Variants in CNTLN observed in about 807,000 individuals in gnomAD.
The protein encoded by CNTLN is centlein, centrosomal protein.
Under a neutral mutation model 180.0 loss-of-function variants are expected in CNTLN, and 212 were observed. The ratio of observed to expected loss-of-function variants is 1.18; its 90% confidence interval spans 1.05 to 1.32. The LOEUF (loss-of-function observed/expected upper bound fraction) is 1.32, where lower values mean the gene tolerates loss of function less well. Ranked by LOEUF, CNTLN falls within the 40% of genes most tolerant of loss-of-function variation. The probability of loss-of-function intolerance (pLI) is 0.00; values close to 1 mark genes in which losing one functional copy is unlikely to be tolerated. For synonymous variants in CNTLN, 722 were observed against 563.1 expected (o/e 1.28, Z -3.99); for missense variants, 2,095 against 1,610.9 (o/e 1.30, Z -5.14).
chr9:17,325,368 ATGTG>A (rs1456408000), intron 8 of CNTLN, among the ~76,000 whole-genome samples: 5 of 67,526 alleles, frequency 7.4e-5, no homozygotes, highest in Non-Finnish European at 1.4e-4. Context: ...GTGTGTGTGC[ATGTG>A]TATGTATGTG....
At chr9:17,259,877 T>C (rs1370583839) in intron 5 of CNTLN, among the ~76,000 whole-genome samples, 1 of 136,732 alleles carries the variant, frequency 7.3e-6, no homozygotes, top group Non-Finnish European at 1.5e-5. Context: ...TTTTTCTTTA[T>C]TATTCTTGCT....
At chr9:17,455,486 T>C (rs1831056652) in intron 18 of CNTLN, among the ~76,000 whole-genome samples, 1 of 152,152 alleles carries the variant, frequency 6.6e-6, no homozygotes, top group Non-Finnish European at 1.5e-5. Context: ...CTTTCCTCAG[T>C]GGAGGTACAT....
intron 15 of CNTLN, among the ~76,000 whole-genome samples, chr9:17,397,390 C>G (rs945674754): frequency 6.6e-6 from 1 of 152,186 alleles, no homozygotes. Flanking sequence ...ATAGGCTAAA[C>G]AAGGAGTGGA....
chr9:17,263,038 T>A (rs1827124668), intron 5 of CNTLN, among the ~76,000 whole-genome samples: 1 of 151,456 alleles, frequency 6.6e-6, no homozygotes, highest in Non-Finnish European at 1.5e-5. Flanking sequence ...TTTATCAATT[T>A]TTTTAATTTT....
At chr9:17,413,888 T>C (rs1016677651) in intron 16 of CNTLN, among the ~76,000 whole-genome samples, 2 of 152,136 alleles carry the variant, frequency 1.3e-5, no homozygotes, top group African/African-American at 4.8e-5. Context: ...AAATATATGT[T>C]TACCAAAAAA....
At chr9:17,343,710 G>A (rs10963047) in intron 12 of CNTLN, among the ~76,000 whole-genome samples, 43,646 of 151,808 alleles carry the variant, frequency 0.29, 6,642 homozygotes, top group South Asian at 0.51. Context: ...CTTATATAAC[G>A]TATATAATTC....
chr9:17,222,656 AGTCTCGG>A (rs1191049924), intron 2 of CNTLN, among the ~76,000 whole-genome samples: 1 of 151,918 alleles, frequency 6.6e-6, no homozygotes, highest in Non-Finnish European at 1.5e-5. Context: ...TTTTCTTCCC[AGTCTCGG>A]GTATGTCTTT....
intron 20 of CNTLN, among the ~76,000 whole-genome samples, chr9:17,463,837 G>A (rs563405517): frequency 2.6e-5 from 4 of 151,554 alleles, no homozygotes; most frequent in East Asian, 1.9e-4. Context: ...AGGTTCTTAC[G>A]AGGAATAAAT....
At chr9:17,205,972 A>G (rs1327145905) in intron 2 of CNTLN, among the ~76,000 whole-genome samples, 1 of 152,088 alleles carries the variant, frequency 6.6e-6, no homozygotes, top group Non-Finnish European at 1.5e-5. Flanking sequence ...TGATGGTATA[A>G]TTAATGAGAA....
chr9:17,495,094 G>C (rs1224115552), intron 25 of CNTLN: 1 of 352,996 alleles, frequency 2.8e-6, no homozygotes, highest in Non-Finnish European at 5.6e-6. Context: ...TGCCCAGGCT[G>C]GTCTCCAACT....
intron 2 of CNTLN, among the ~76,000 whole-genome samples, chr9:17,222,638 A>G (rs1038070664): frequency 1.3e-5 from 2 of 152,048 alleles, no homozygotes; most frequent in Non-Finnish European, 2.9e-5. Flanking sequence ...AAGTCCAAGT[A>G]AACCTCTTTT....
chr9:17,306,680 AG>A (rs1253455977), intron 7 of CNTLN, among the ~76,000 whole-genome samples: 1 of 152,158 alleles, frequency 6.6e-6, no homozygotes, highest in East Asian at 1.9e-4. Context: ...TTAGGATAGA[AG>A]GTATGTAGTT....
chr9:17,502,587 G>GA lies in CNTLN; in HGVS notation c.4162dup (p.Ile1388AsnfsTer3), dbSNP rs1362524954. ...CTCATATTTACTAGAAGCAGTACTGGAAAAAATAAATGAAAAAAAGAAACT... is the reference window on the plus strand; with the variant it reads ...CTCATATTTACTAGAAGCAGTACTGGAAAAAAATAAATGAAAAAAAGAAACT... On this transcript the variant is annotated frameshift_variant, in exon 26 of 26. Coordinates refer to ENST00000380647, the MANE Select transcript of CNTLN (RefSeq NM_017738.4). LOFTEE classifies it high-confidence loss of function. 16 of 1,406,700 alleles carry GA rather than the reference G, an allele frequency of 1.1e-5. No individual in the cohort carries two copies. The highest frequency in any genetic ancestry group is 1.6e-5 in the Non-Finnish European group (16 of 1,030,398). The allele number at this position is 1,406,700 out of a possible 1,614,324, so 87.1% of individuals were successfully genotyped here.
chr9:17,523,080 T>G, the CNTLN span, among the ~76,000 whole-genome samples: 10 of 152,154 alleles, frequency 6.6e-5, no homozygotes, highest in African/African-American at 2.4e-4. Context: ...TAGAGTATGT[T>G]GAGAGGCCCC....
At chr9:17,486,613 A>G (rs146728363) in intron 24 of CNTLN, among the ~76,000 whole-genome samples, 41 of 152,190 alleles carry the variant, frequency 2.7e-4, no homozygotes, top group African/African-American at 9.6e-4. Context: ...GACAAGTCAG[A>G]TTTTGGAATA....
intron 6 of CNTLN, among the ~76,000 whole-genome samples, chr9:17,292,076 A>T (rs1168696119): frequency 1.3e-5 from 2 of 152,192 alleles, no homozygotes; most frequent in African/African-American, 4.8e-5. Flanking sequence ...TTGACTGGAA[A>T]TGAAATTCAG....
At chr9:17,445,044 A>G (rs1361060008) in intron 18 of CNTLN, among the ~76,000 whole-genome samples, 3 of 152,106 alleles carry the variant, frequency 2.0e-5, no homozygotes, top group South Asian at 2.1e-4. Flanking sequence ...CCCATTTTAA[A>G]TGGTATCAGT....
chr9:17,245,013 A>T (rs1825718395), intron 5 of CNTLN, among the ~76,000 whole-genome samples: 1 of 152,102 alleles, frequency 6.6e-6, no homozygotes, highest in African/African-American at 2.4e-5. Flanking sequence ...ATGTTTTGAA[A>T]GTTGTCACAG....
intron 18 of CNTLN, among the ~76,000 whole-genome samples, chr9:17,457,063 A>G (rs1831168495): frequency 6.6e-6 from 1 of 152,154 alleles, no homozygotes; most frequent in African/African-American, 2.4e-5. Context: ...ATTGGACTTA[A>G]CATTTATGTT....
Sources: allele counts gnomAD v4.1 joint callset (sites outside exome capture counted in the v4.1 genomes callset), GRCh38; gene constraint gnomAD v4.1.1; transcripts MANE v1.5; gene names NCBI Gene and HGNC (gene_info 2026-07-23, HGNC 2026-07-21).